The following CCDC91 variants were observed in gnomAD, a reference collection of about 807,000 sequenced individuals.
The protein encoded by CCDC91 is coiled-coil domain-containing protein 91.
Under a neutral mutation model 63.2 loss-of-function variants are expected in CCDC91, and 48 were observed. The ratio of observed to expected loss-of-function variants is 0.76; its 90% CI spans 0.60 to 0.97. The LOEUF (loss-of-function observed/expected upper bound fraction) is 0.97, where lower values mean the gene tolerates loss of function less well. CCDC91 is among the 50% of genes least tolerant of loss of function. The pLI is 0.00. For synonymous variants in CCDC91, 167 were observed against 165.8 expected, an observed-to-expected ratio of 1.01 and a Z score of -0.06; for missense variants, 500 against 494.6, an observed-to-expected ratio of 1.01 and a Z score of -0.10.
intron 11 of CCDC91, among the ~76,000 whole-genome samples, chr12:28,481,189 G>A (rs184414307): frequency 7.9e-5 from 12 of 152,046 alleles, no homozygotes; most frequent in Admixed American, 7.2e-4. Flanking sequence ...TATGACTGAT[G>A]TATTTTCACA....
At chr12:28,483,885 CT>C (rs1951575515) in intron 11 of CCDC91, among the ~76,000 whole-genome samples, 166 bp from the exon 12 acceptor site, 1 of 152,130 alleles carries the variant, frequency 6.6e-6, no homozygotes, top group African/African-American at 2.4e-5. Flanking sequence ...TCTGTGAACT[CT>C]CTAACAGATC....
intron 9 of CCDC91, 26 bp from the exon 10 acceptor site, chr12:28,450,324 T>C (rs772138944): frequency 1.1e-5 from 17 of 1,603,674 alleles, no homozygotes; most frequent in Non-Finnish European, 1.5e-5. Context: ...ATTTAATGTC[T>C]TTCCAACTGT....
At chr12:28,479,518 A>G (rs1951323944) in intron 11 of CCDC91, among the ~76,000 whole-genome samples, 1 of 152,148 alleles carries the variant, frequency 6.6e-6, no homozygotes, top group African/African-American at 2.4e-5. Context: ...AATGTAAATG[A>G]CGAGTTAATG....
intron 12 of CCDC91, among the ~76,000 whole-genome samples, chr12:28,495,764 T>C (rs530062833): frequency 6.6e-6 from 1 of 151,824 alleles, no homozygotes; most frequent in South Asian, 2.1e-4. Context: ...TTCCTCATGC[T>C]CTTCATATTT....
chr12:28,544,072 T>A (rs1942816673), intron 12 of CCDC91, among the ~76,000 whole-genome samples: 1 of 72,624 alleles, frequency 1.4e-5, no homozygotes, highest in South Asian at 3.7e-4. Context: ...TGTACGATAT[T>A]TTTCAAACAA....
intron 12 of CCDC91, among the ~76,000 whole-genome samples, chr12:28,513,258 C>A (rs1939572001): frequency 1.3e-5 from 2 of 151,844 alleles, no homozygotes; most frequent in African/African-American, 2.4e-5. Context: ...TATCCTGATT[C>A]TTTAAAGAGT....
intron 3 of CCDC91, chr12:28,304,811 T>G: frequency 2.8e-6 from 1 of 359,360 alleles, no homozygotes; most frequent in South Asian, 2.4e-5. Flanking sequence ...CTTATTTGAA[T>G]TTTTAGAAAG....
intron 3 of CCDC91, chr12:28,268,572 C>A: frequency 1.7e-6 from 1 of 595,374 alleles, no homozygotes; most frequent in Non-Finnish European, 2.1e-6. Flanking sequence ...TCTAGAATAT[C>A]AGTCTCCCCT....
At chr12:28,503,146 A>C (rs1042903325) in intron 12 of CCDC91, among the ~76,000 whole-genome samples, 1 of 152,196 alleles carries the variant, frequency 6.6e-6, no homozygotes, top group African/African-American at 2.4e-5. Flanking sequence ...ATGAACAGGC[A>C]ACCTATAAAA....
At chr12:28,298,727 T>TAAAAA (rs138233289) in intron 3 of CCDC91, among the ~76,000 whole-genome samples, 2 of 145,558 alleles carry the variant, frequency 1.4e-5, no homozygotes, top group African/African-American at 2.5e-5. Flanking sequence ...CTTGATTTTG[T>TAAAAA]AAAAAAAAAA....
intron 3 of CCDC91, among the ~76,000 whole-genome samples, chr12:28,283,822 A>C (rs552377221): frequency 2.4e-4 from 37 of 152,296 alleles, no homozygotes; most frequent in Middle Eastern, 3.4e-3. Flanking sequence ...TCAAGTGCAG[A>C]ATTTTCCATT....
At chr12:28,286,946 T>G (rs1948950047) in intron 3 of CCDC91, among the ~76,000 whole-genome samples, 1 of 152,210 alleles carries the variant, frequency 6.6e-6, no homozygotes, top group Non-Finnish European at 1.5e-5. Flanking sequence ...GGTTTTGATT[T>G]GCATTTCTCT....
intron 1 of CCDC91, among the ~76,000 whole-genome samples, chr12:28,200,934 CG>C: frequency 6.8e-6 from 1 of 147,198 alleles, no homozygotes; most frequent in South Asian, 2.1e-4. Context: ...CCGGACGGGG[CG>C]GCTGGCCGGG....
Position 28,464,710 on chromosome 12 carries a change from G to A in CCDC91, c.1101+12056G>A, listed in dbSNP as rs1205186526. On this transcript the variant is annotated intron_variant, in intron 11 of 12. Coordinates refer to ENST00000536442, the MANE Select transcript of CCDC91 (RefSeq NM_018318.5). ...CAGCAATACCCAGTTACTATATCAA[G>A]GGCCTTGGGTGAGCCTCTGAGACTT... Among the ~76,000 whole-genome samples the A allele has an allele frequency of 2.0e-5, 3 of 152,192 alleles. No individual in the cohort carries two copies. In the East Asian group the frequency reaches 5.8e-4, roughly 29 times the overall value.
At chr12:28,509,002 G>A (rs569362622) in intron 12 of CCDC91, among the ~76,000 whole-genome samples, 144 of 151,874 alleles carry the variant, frequency 9.5e-4, no homozygotes, top group Non-Finnish European at 1.6e-3. Context: ...CATTCTGTTA[G>A]GCCAGTAACT....
intron 8 of CCDC91, among the ~76,000 whole-genome samples, chr12:28,415,001 T>C (rs1337902177): frequency 6.6e-6 from 1 of 152,214 alleles, no homozygotes; most frequent in East Asian, 1.9e-4. Context: ...CACTTTTTCT[T>C]ACTGGTCAAA....
At chr12:28,402,603 T>A (rs1441672761) in intron 8 of CCDC91, among the ~76,000 whole-genome samples, 8 of 118,608 alleles carry the variant, frequency 6.7e-5, no homozygotes, top group East Asian at 2.9e-4. Context: ...AAAAAAAAAA[T>A]TATTTCTTTC....
intron 3 of CCDC91, among the ~76,000 whole-genome samples, chr12:28,267,852 G>T (rs973667597): frequency 0.071 from 1,843 of 25,904 alleles, 468 homozygotes; most frequent in East Asian, 0.11. Flanking sequence ...TAATTATATA[G>T]TAATATATAA....
At chr12:28,296,562 T>C (rs1949576316) in intron 3 of CCDC91, among the ~76,000 whole-genome samples, 1 of 151,938 alleles carries the variant, frequency 6.6e-6, no homozygotes, top group South Asian at 2.1e-4. Context: ...ATATTTTTCC[T>C]TCAATTTCCA....
Sources: gnomAD v4.1 joint callset for allele counts (sites outside exome capture counted in the v4.1 genomes callset) on GRCh38, gnomAD v4.1.1 for gene constraint, MANE v1.5 for transcripts, NCBI Gene and HGNC (gene_info 2026-07-23, HGNC 2026-07-21) for gene names.